DCTN1: variants seen among roughly 807,000 people sequenced by gnomAD.
DCTN1 encodes the protein 150 kDa dynein-associated polypeptide.
DCTN1 carries 61 observed loss-of-function variants against 161.2 expected under a neutral mutation model. The ratio of observed to expected loss-of-function variants is 0.38; its 90% CI spans 0.31 to 0.47. DCTN1 has a LOEUF of 0.47. Ranked by LOEUF, DCTN1 falls within the 20% of genes least tolerant of loss-of-function variation. The pLI is 0.99. For missense variants in DCTN1, 1,404 were observed against 1,623.7 expected, an observed-to-expected ratio of 0.86 and a Z score of 2.33; for synonymous variants, 653 against 632.4, an observed-to-expected ratio of 1.03 and a Z score of -0.49.
At chr2:74,363,785 C>T (rs902720244) in intron 26 of DCTN1, 157 bp from the exon 27 acceptor site, 13 of 993,690 alleles carry the variant, frequency 1.3e-5, no homozygotes, top group Non-Finnish European at 2.0e-5. Flanking sequence ...TCTCTGCCAC[C>T]TATCTTTGGG....
rs939193097 is a variant in DCTN1 at position 74,371,240 on chromosome 2, G to C, written c.646-64C>G. ...TCCTCCTCTCCACCAACACTGAGCTGGCGCAAAGAACACAAGAAAGTGTGC... is the reference window on the plus strand; with the variant it reads ...TCCTCCTCTCCACCAACACTGAGCTCGCGCAAAGAACACAAGAAAGTGTGC... On this transcript the variant is annotated intron_variant, in intron 8 of 31. Transcript: ENST00000628224. 24 of 1,607,538 alleles carry C rather than the reference G, an allele frequency of 1.5e-5. No homozygotes were observed. The Admixed American group carries it at 3.5e-4, about 23-fold the overall frequency.
chr2:74,385,866 G>A (rs1199338236), intron 1 of DCTN1: 2 of 152,130 alleles, frequency 1.3e-5, no homozygotes, highest in Non-Finnish European at 2.9e-5. Flanking sequence ...AACACATAAG[G>A]TGAGTTAATA....
chr2:74,383,100 A>G (rs952063736), upstream of DCTN1, among the ~76,000 whole-genome samples: 1 of 149,046 alleles, frequency 6.7e-6, no homozygotes, highest in Non-Finnish European at 1.5e-5. Flanking sequence ...AAAAATAAAT[A>G]AATAAAATAA....
chr2:74,383,548 A>C (rs1232644390), upstream of DCTN1, among the ~76,000 whole-genome samples: 2 of 152,236 alleles, frequency 1.3e-5, no homozygotes, highest in African/African-American at 4.8e-5. Context: ...GGCAGGAGCA[A>C]CCTGGCAAAG....
At chr2:74,383,981 G>C (rs1675620886), upstream of DCTN1, among the ~76,000 whole-genome samples, 1 of 152,202 alleles carries the variant, frequency 6.6e-6, no homozygotes. Context: ...CTCAAATGCT[G>C]CAAGGATAAA....
chr2:74,390,524 G>T, intron 1 of DCTN1: 1 of 379,802 alleles, frequency 2.6e-6, no homozygotes. Flanking sequence ...AACTCGACTA[G>T]ACTCACAGAA....
rs57641394 is a variant in DCTN1 at position 74,374,479 on chromosome 2, CAGG to C, written c.415-142_415-140del. Reference sequence around the variant, plus strand: ...CGAACAGAGGGAAAGGCGGCGGAGACAGGAGATTAGTGCATCAAATCCCAACAA... The same window carrying C: ...CGAACAGAGGGAAAGGCGGCGGAGACAGATTAGTGCATCAAATCCCAACAA... On this transcript the variant is annotated intron_variant, in intron 5 of 31. Transcript: ENST00000628224. 11,809 of 1,527,166 alleles carry C rather than the reference CAGG, an allele frequency of 7.7e-3. 785 individuals are homozygous for C. The African/African-American group carries it at 0.14, about 18-fold the overall frequency. The allele number at this position is 1,527,166 out of a possible 1,614,324, so 94.6% of individuals were successfully genotyped here. A position where few individuals can be genotyped will look rare whatever the true frequency, so the allele number is the denominator to read the frequency against.
intron 25 of DCTN1, 85 bp downstream of exon 25, chr2:74,365,430 C>T (rs1056336180): frequency 1.9e-6 from 3 of 1,602,830 alleles, no homozygotes; most frequent in South Asian, 1.1e-5. Context: ...TATAAGAGAA[C>T]CTGAGTAGGG....
chr2:74,367,250 G>A, intron 19 of DCTN1, 102 bp downstream of exon 19: 5 of 1,536,938 alleles, frequency 3.3e-6, no homozygotes, highest in Non-Finnish European at 4.5e-6. Flanking sequence ...TGGTAACTCT[G>A]CCCTAGTCTT....
intron 8 of DCTN1, 61 bp downstream of exon 8, chr2:74,371,476 A>C: frequency 6.7e-7 from 1 of 1,493,700 alleles, no homozygotes; most frequent in Middle Eastern, 2.4e-4. Context: ...TTCAAGACAC[A>C]GCGGGTAGCC....
chr2:74,366,210 C>A, intron 23 of DCTN1, 34 bp downstream of exon 23: 1 of 1,613,872 alleles, frequency 6.2e-7, no homozygotes, highest in Non-Finnish European at 8.5e-7. Context: ...CTCCTACAGG[C>A]CTCTGCAACT....
chr2:74,383,869 G>A (rs985329583), upstream of DCTN1: 2 of 152,366 alleles, frequency 1.3e-5, no homozygotes, highest in Middle Eastern at 6.8e-3. Context: ...TAAGATTTAA[G>A]TAAAGCGTTT....
In DCTN1 at chr2:74,369,748, G is replaced by A. The variant is rs2002263; in HGVS notation, c.1392+217C>T. On this transcript the variant is annotated intron_variant, in intron 13 of 31. Transcript: ENST00000628224. The surrounding 1 kb of genome is among the most constrained non-coding windows in gnomAD (Gnocchi z 4.9). The stretch of plus-strand genomic sequence containing the variant: ...GAATCGCTTGAACCTGGGAGGCGGA[G>A]GTTGCAGTGAGCCGAGATTATTGCG... Among the ~76,000 whole-genome samples, 9 of 151,700 alleles carry A rather than the reference G, an allele frequency of 5.9e-5. No homozygotes were observed. The highest frequency in any genetic ancestry group is 1.7e-4 in the African/African-American group (7 of 41,188).
rs1408359537 is a variant in DCTN1, at chr2:74,376,610, G to C, written c.414+132C>G. The C allele has an allele frequency of 4.7e-6, 4 of 856,412 alleles. No homozygotes were observed. In the African/African-American group the frequency reaches 5.0e-5, roughly 11 times the overall value. The allele number at this position is 856,412 out of a possible 1,614,324, so 53.1% of individuals were successfully genotyped here. ...CTTCAAAGGAACTCTGAAAGCCAAG[G>C]CCACCATTTCCTCTGGCCATCCCAG... is the stretch of plus-strand genomic sequence containing the variant. On this transcript the variant is annotated intron_variant, in intron 5 of 31. Coordinates refer to ENST00000628224, the MANE Select transcript of DCTN1 (RefSeq NM_004082.5).
chr2:74,388,197 A>AAAAACAAAACAAAACAAAAC lies in DCTN1; in HGVS notation c.-19+3596_-19+3597insGTTTTGTTTTGTTTTGTTTT, dbSNP rs56908271. 5.2e-4 allele frequency among the ~76,000 whole-genome samples: 78 copies of AAAAACAAAACAAAACAAAAC among 150,786 alleles called. 1 individual carries two copies. The highest frequency in any genetic ancestry group is 1.8e-3 in the African/African-American group (74 of 40,674). On this transcript the variant is annotated intron_variant, in intron 1 of 27. Coordinates refer to the DCTN1 transcript ENST00000409240. Reference sequence around the variant, plus strand: ...GGTTGACAGAGCAAGACTGTATCTCAAAAACAAAACAAAACAAAAAACTGG... The same window carrying AAAAACAAAACAAAACAAAAC: ...GGTTGACAGAGCAAGACTGTATCTCAAAAACAAAACAAAACAAAACAAAACAAAACAAAACAAAAAACTGG...
chr2:74,373,578 T>C (rs1558945321), intron 6 of DCTN1, among the ~76,000 whole-genome samples: 2 of 152,046 alleles, frequency 1.3e-5, no homozygotes, highest in South Asian at 2.1e-4. Context: ...ACCATGAATA[T>C]TGCATTAGCA....
At position 74,367,858 on chromosome 2, in the gene DCTN1, G is replaced by A; in HGVS notation, c.2022C>T (p.Leu674=). 6.2e-7 allele frequency: 1 copy of A among 1,614,234 alleles called. No homozygotes were observed. The highest frequency in any genetic ancestry group is 8.5e-7 in the Non-Finnish European group (1 of 1,180,044). The change falls in exon 18 of 32, where the codon CTC becomes CTT. Residue 674 remains leucine (L), a synonymous_variant. Coordinates refer to ENST00000628224, the MANE Select transcript of DCTN1 (RefSeq NM_004082.5). ...TATACACATCCACACTGCACTGAGA[G>A]AGGGCACTAGAGACCAGAGAAGGGC... ...QATLHRYEHA[L]SQCSVDVYKK...
rs1056326693 is a variant in DCTN1 at position 74,371,282 on chromosome 2, C to T, written c.646-106G>A. 78 of 1,601,880 alleles carry T rather than the reference C, an allele frequency of 4.9e-5. No homozygotes were observed. In the East Asian group the frequency reaches 1.1e-3, roughly 22 times the overall value. ...AAAGTGTGCAAACATCACCCAGCCC[C>T]AGGGTGGCCAACAGTCAGTGGCATA... On this transcript the variant is annotated intron_variant, in intron 8 of 31. Transcript: ENST00000628224.
chr2:74,378,446 CTCTGGAA>C (rs1238025792), intron 1 of DCTN1, among the ~76,000 whole-genome samples: 5 of 152,236 alleles, frequency 3.3e-5, no homozygotes, highest in African/African-American at 9.6e-5. Flanking sequence ...CTCCAAATTC[CTCTGGAA>C]TCTGCTAGAA....
Sources: allele counts gnomAD v4.1 joint callset (sites outside exome capture counted in the v4.1 genomes callset), GRCh38; gene constraint gnomAD v4.1.1; non-coding constraint Gnocchi (gnomAD v3.1); transcripts MANE v1.5; gene names NCBI Gene and HGNC (gene_info 2026-07-23, HGNC 2026-07-21).